SPATA6L: variants seen among roughly 807,000 people sequenced by gnomAD.
The protein encoded by SPATA6L is spermatogenesis associated 6-like protein.
SPATA6L carries 68 observed loss-of-function variants against 49.2 expected under a neutral mutation model. The ratio of observed to expected loss-of-function variants is 1.38; its 90% CI spans 1.14 to 1.69. The LOEUF (loss-of-function observed/expected upper bound fraction) is 1.69. SPATA6L is among the 40% of genes most tolerant of loss of function. SPATA6L has a pLI of 0.00. For missense variants in SPATA6L, 668 were observed against 464.3 expected, an observed-to-expected ratio of 1.44 and a Z score of -4.03; for synonymous variants, 198 against 165.7, an observed-to-expected ratio of 1.19 and a Z score of -1.50.
intron 1 of SPATA6L, chr9:4,663,485 T>A (rs939813521): frequency 1.9e-6 from 1 of 528,560 alleles, no homozygotes; most frequent in African/African-American, 1.9e-5. Context: ...AAAAATCCTC[T>A]ATTGTATATT....
intron 9 of SPATA6L, among the ~76,000 whole-genome samples, chr9:4,613,318 C>G (rs1827215680): frequency 6.6e-6 from 1 of 152,060 alleles, no homozygotes; most frequent in Non-Finnish European, 1.5e-5. Flanking sequence ...ATCTGGAAAT[C>G]CAGTTGTTAC....
chr9:4,635,999 T>C (rs4742031), intron 3 of SPATA6L, among the ~76,000 whole-genome samples: 22,196 of 152,222 alleles, frequency 0.15, 2,635 homozygotes, highest in East Asian at 0.33. Flanking sequence ...TTTCTAATAT[T>C]CTGCAAACAT....
chr9:4,614,334 C>T (rs1359588800), intron 9 of SPATA6L, among the ~76,000 whole-genome samples: 1 of 152,204 alleles, frequency 6.6e-6, no homozygotes, highest in Non-Finnish European at 1.5e-5. Context: ...TGTCTCCCAA[C>T]TCATCCTTAT....
intron 4 of SPATA6L, among the ~76,000 whole-genome samples, chr9:4,631,027 C>A (rs773714988): frequency 2.1e-4 from 32 of 152,284 alleles, no homozygotes; most frequent in Middle Eastern, 3.4e-3. Flanking sequence ...TCGACTTTGC[C>A]CAGAGTGAAG....
Position 4,655,998 on chromosome 9 carries a change from C to A in SPATA6L, c.226+43G>T, listed in dbSNP as rs1308554684. 5.4e-6 allele frequency: 8 copies of A among 1,483,560 alleles called. No individual in the cohort carries two copies. The East Asian group carries it at 1.6e-4, about 30-fold the overall frequency. 91.9% of individuals were successfully genotyped at this position (1,483,560 alleles called of 1,614,324 possible). A position where few individuals can be genotyped will look rare whatever the true frequency, so the allele number is the denominator to read the frequency against. ...GAGTTTTGAATCTGTGAATTACACACAATAGTCTTTTGGTTTTTTGTTTTG... is the reference window on the plus strand; with the variant it reads ...GAGTTTTGAATCTGTGAATTACACAAAATAGTCTTTTGGTTTTTTGTTTTG... On this transcript the variant is annotated intron_variant, in intron 3 of 11. Coordinates refer to ENST00000682582, the MANE Select transcript of SPATA6L (RefSeq NM_001353486.2).
intron 3 of SPATA6L, among the ~76,000 whole-genome samples, chr9:4,652,260 A>C (rs1450641499): frequency 6.6e-6 from 1 of 152,150 alleles, no homozygotes; most frequent in Non-Finnish European, 1.5e-5. Flanking sequence ...GTCTCTACTA[A>C]AAATACAAAA....
At chr9:4,592,024 GCAA>G (rs766531806) in intron 13 of SPATA6L, among the ~76,000 whole-genome samples, 3 of 152,068 alleles carry the variant, frequency 2.0e-5, no homozygotes, top group Non-Finnish European at 4.4e-5. Context: ...AGGAAAAACA[GCAA>G]CAACAAGCCA....
Position 4,605,460 on chromosome 9 carries a change from G to C in SPATA6L, c.996-20C>G. On this transcript the variant is annotated intron_variant, in intron 9 of 11. Transcript: ENST00000682582. The stretch of plus-strand genomic sequence containing the variant: ...TGGAACCTGCTCAACAGATGGAACA[G>C]GGTGGAATATTAAGCAGCTACTAAA... The C allele has an allele frequency of 6.3e-7, 1 of 1,582,090 alleles. No homozygotes were observed. Among genetic ancestry groups the C allele is most frequent in the Non-Finnish European group, 8.7e-7 (1 of 1,150,940 alleles).
At position 4,599,745 on chromosome 9, in the gene SPATA6L, G is replaced by C. The variant is rs1313532827; in HGVS notation, c.*1066C>G. 6.6e-6 allele frequency among the ~76,000 whole-genome samples: 1 copy of C among 152,156 alleles called. No individual in the cohort carries two copies. The highest frequency in any genetic ancestry group is 6.5e-5 in the Admixed American group (1 of 15,270). On this transcript the variant is annotated 3_prime_UTR_variant, in exon 12 of 12. Transcript: ENST00000682582. ...AGGGCACTAATCTCATTTATGAGGG[G>C]TCCACCCTCACAACCTCATCACCTC...
chr9:4,595,237 TC>T (rs1273657985), downstream of SPATA6L, among the ~76,000 whole-genome samples: 1 of 152,108 alleles, frequency 6.6e-6, no homozygotes, highest in African/African-American at 2.4e-5. Flanking sequence ...GCCAGGTACC[TC>T]CCCCATACAC....
At chr9:4,649,038 C>CAT (rs60688601) in intron 3 of SPATA6L, among the ~76,000 whole-genome samples, 95,158 of 151,098 alleles carry the variant, frequency 0.63, 31,791 homozygotes, top group African/African-American at 0.87. Context: ...AGTATTCCAT[C>CAT]ATATATAATG....
chr9:4,598,799 G>T lies in SPATA6L; in HGVS notation c.*2012C>A, dbSNP rs1371187749. Among the ~76,000 whole-genome samples the T allele has an allele frequency of 6.6e-6, 1 of 152,164 alleles. No individual in the cohort carries two copies. The highest frequency in any genetic ancestry group is 1.9e-4 in the East Asian group (1 of 5,186). On this transcript the variant is annotated 3_prime_UTR_variant, in exon 12 of 12. Coordinates refer to ENST00000682582, the MANE Select transcript of SPATA6L (RefSeq NM_001353486.2). ...TTTTCTTACTTTTGATGACTACTTAGAGGTAACATCAAAACAACAAATTGA... is the reference window on the plus strand; with the variant it reads ...TTTTCTTACTTTTGATGACTACTTATAGGTAACATCAAAACAACAAATTGA...
At chr9:4,590,974 C>T (rs114831532) in intron 13 of SPATA6L, among the ~76,000 whole-genome samples, 3,947 of 152,222 alleles carry the variant, frequency 0.026, 165 homozygotes, top group African/African-American at 0.089. Flanking sequence ...TGAGGGAATG[C>T]GATGCAGAGT....
intron 11 of SPATA6L, among the ~76,000 whole-genome samples, chr9:4,603,583 A>G (rs1823915123): frequency 6.6e-6 from 1 of 152,222 alleles, no homozygotes; most frequent in Non-Finnish European, 1.5e-5. Context: ...ATGTGATTCC[A>G]TTGTATGGCA....
At chr9:4,597,644 T>C (rs1822392448), downstream of SPATA6L, among the ~76,000 whole-genome samples, 1 of 152,204 alleles carries the variant, frequency 6.6e-6, no homozygotes, top group South Asian at 2.1e-4. Flanking sequence ...CTAGATTCAG[T>C]GTGGAGGATG....
At chr9:4,597,149 T>G (rs920129733), downstream of SPATA6L, among the ~76,000 whole-genome samples, 5 of 152,100 alleles carry the variant, frequency 3.3e-5, no homozygotes, top group Admixed American at 1.3e-4. Flanking sequence ...ATGGCAGAAC[T>G]AGGATTTAAA....
chr9:4,597,319 TACACAC>T (rs57570250), downstream of SPATA6L, among the ~76,000 whole-genome samples: 11,276 of 143,770 alleles, frequency 0.078, 753 homozygotes, highest in African/African-American at 0.17. Flanking sequence ...GAAAACAAAA[TACACAC>T]ACACACACAC....
chr9:4,662,343 G>A lies in SPATA6L; in HGVS notation c.40-307C>T. ...GGGCCGGGAAGCCTCTGTTTGGTCC[G>A]GCCAGGTCCCGGGATCCGGGCCGCC... On this transcript the variant is annotated intron_variant, in intron 1 of 11. Coordinates refer to ENST00000682582, the MANE Select transcript of SPATA6L (RefSeq NM_001353486.2). The surrounding 1 kb of genome is among the most constrained non-coding windows in gnomAD (Gnocchi z 4.9). The A allele has an allele frequency of 6.8e-7, 1 of 1,476,732 alleles. No homozygotes were observed. Among genetic ancestry groups the A allele is most frequent in the Non-Finnish European group, 8.9e-7 (1 of 1,120,834 alleles). The allele number at this position is 1,476,732 out of a possible 1,614,324, so 91.5% of individuals were successfully genotyped here.
intron 3 of SPATA6L, among the ~76,000 whole-genome samples, chr9:4,649,791 A>C (rs1564298818): frequency 6.6e-6 from 1 of 152,220 alleles, no homozygotes; most frequent in Non-Finnish European, 1.5e-5. Flanking sequence ...AATGGTTGTT[A>C]TGTCCTTTTA....
Sources: allele counts gnomAD v4.1 joint callset (sites outside exome capture counted in the v4.1 genomes callset), GRCh38; gene constraint gnomAD v4.1.1; non-coding constraint Gnocchi (gnomAD v3.1); transcripts MANE v1.5; gene names NCBI Gene and HGNC (gene_info 2026-07-23, HGNC 2026-07-21).